Variants in CSF1 observed in about 807,000 individuals in gnomAD.
CSF1 encodes the protein colony stimulating factor 1, also known as macrophage colony-stimulating factor 1.
A neutral mutation model predicts 48.9 loss-of-function variants in CSF1; 9 were observed. The ratio of observed to expected loss-of-function variants is 0.18; its 90% CI spans 0.11 to 0.32. The LOEUF is 0.32. Among genes scored for constraint, CSF1 ranks in the 10% least tolerant of loss-of-function variants. CSF1 has a pLI of 1.00. For missense variants in CSF1, 672 were observed against 697.9 expected (o/e 0.96, Z 0.42); for synonymous variants, 305 against 284.1 (o/e 1.07, Z -0.74).
intron 8 of CSF1, among the ~76,000 whole-genome samples, chr1:109,928,589 G>A (rs1338118987): frequency 5.9e-5 from 9 of 152,074 alleles, no homozygotes; most frequent in African/African-American, 9.6e-5. Flanking sequence ...GACCTCTCCC[G>A]GGCCCCGTTA....
At chr1:109,914,501 C>A in intron 2 of CSF1, 120 bp downstream of exon 2, 1 of 1,208,138 alleles carries the variant, frequency 8.3e-7, no homozygotes, top group Non-Finnish European at 1.1e-6. Context: ...CGGGACATTG[C>A]TTGTGGTTCC....
chr1:109,911,685 C>T (rs1654694655), intron 1 of CSF1, among the ~76,000 whole-genome samples: 1 of 152,206 alleles, frequency 6.6e-6, no homozygotes. Flanking sequence ...AGCCCCCCAC[C>T]CCCGGGGCTG....
At chr1:109,927,008 A>T (rs1353732517) in intron 8 of CSF1, among the ~76,000 whole-genome samples, 2 of 152,242 alleles carry the variant, frequency 1.3e-5, no homozygotes, top group Admixed American at 1.3e-4. Context: ...TGACCAGTTA[A>T]CCAGCTAACT....
At position 109,915,180 on chromosome 1, in the gene CSF1, G is replaced by A. The variant is rs1166586961; in HGVS notation, c.163-454G>A. 2.0e-5 allele frequency among the ~76,000 whole-genome samples: 3 copies of A among 152,204 alleles called. 1 individual carries two copies. The highest frequency in any genetic ancestry group is 4.1e-4 in the South Asian group (2 of 4,838). On this transcript the variant is annotated intron_variant, in intron 2 of 8. Transcript: ENST00000329608. ...AATCCAAGGTAGACCAAGAGCCCCA[G>A]CATTCTCTGAGGCTTAAAATCCAGA...
chr1:109,925,457 G>A (rs952826930), intron 8 of CSF1, among the ~76,000 whole-genome samples: 25 of 151,864 alleles, frequency 1.6e-4, no homozygotes, highest in Admixed American at 1.0e-3. Context: ...GGCTTCTAGT[G>A]TTGCTGCCAC....
chr1:109,925,269 G>A (rs1647791751), intron 8 of CSF1, 67 bp downstream of exon 8: 2 of 1,358,612 alleles, frequency 1.5e-6, no homozygotes, highest in East Asian at 4.6e-5. Flanking sequence ...ACGTTCACCT[G>A]TTGGTGACAC....
Position 109,923,577 on chromosome 1 carries a change from A to G in CSF1, c.956A>G (p.Gln319Arg). 3 of 1,614,096 alleles carry G rather than the reference A, an allele frequency of 1.9e-6. No individual in the cohort carries two copies. Among genetic ancestry groups the G allele is most frequent in the Non-Finnish European group, 2.5e-6 (3 of 1,179,992 alleles). The change falls in exon 6 of 9, where the codon CAA becomes CGA. Residue 319 changes from glutamine to arginine, a missense_variant. By Grantham distance (43) the Gln-to-Arg change is conservative. Around this residue, in one of 3 missense-constraint regions of CSF1, gnomAD observed 591 missense variants for 593.6 expected, o/e 1.00. Coordinates refer to ENST00000329608, the MANE Select transcript of CSF1 (RefSeq NM_000757.6). ...SGEASEIPVPQGTELSPSRPG... is the reference protein window; with the variant it reads ...SGEASEIPVPRGTELSPSRPG... ...GAGGCCAGTGAGATTCCCGTACCCC[A>G]AGGGACAGAGCTTTCCCCCTCCAGG... is the stretch of plus-strand genomic sequence containing the variant.
Position 109,921,853 on chromosome 1 carries a change from G to T in CSF1, c.403G>T (p.Val135Phe). The change falls in exon 5 of 9, where the codon GTC becomes TTC. Residue 135 changes from valine to phenylalanine, a missense_variant. Val to Phe is a conservative substitution (Grantham distance 50). Coordinates refer to ENST00000329608, the MANE Select transcript of CSF1 (RefSeq NM_000757.6). ...GGCCCTGATCTCCTTCCAGGCCTGC[G>T]TCCGAACTTTCTATGAGACACCTCT... ...KDYEEHDKAC[V>F]RTFYETPLQL... is the part of the protein sequence containing the mutation. 6.3e-7 allele frequency: 1 copy of T among 1,587,336 alleles called. No individual in the cohort carries two copies. The highest frequency in any genetic ancestry group is 8.6e-7 in the Non-Finnish European group (1 of 1,162,494).
chr1:109,921,757 T>A (rs1466222108), intron 4 of CSF1, 90 bp from the exon 5 acceptor site: 3 of 1,417,010 alleles, frequency 2.1e-6, no homozygotes, highest in Non-Finnish European at 2.8e-6. Context: ...AGAAGACAGA[T>A]GTGAGAAAGG....
intron 7 of CSF1, 87 bp downstream of exon 7, chr1:109,924,915 C>T: frequency 7.3e-7 from 1 of 1,362,906 alleles, no homozygotes; most frequent in South Asian, 1.2e-5. Flanking sequence ...GGCTCTCCTG[C>T]TTGCTCTGAG....
chr1:109,911,566 G>C (rs753763910), intron 1 of CSF1, among the ~76,000 whole-genome samples: 140 of 152,274 alleles, frequency 9.2e-4, no homozygotes, highest in Non-Finnish European at 1.6e-3. Flanking sequence ...TGCTGGCAGA[G>C]GGACGGAGAG....
At chr1:109,914,578 C>G (rs575764320) in intron 2 of CSF1, among the ~76,000 whole-genome samples, 197 bp downstream of exon 2, 1 of 152,250 alleles carries the variant, frequency 6.6e-6, no homozygotes, top group Non-Finnish European at 1.5e-5. Flanking sequence ...CTCCCCAGCT[C>G]GAAGCCCTCT....
At chr1:109,914,181 T>C in intron 1 of CSF1, 78 bp from the exon 2 acceptor site, 1 of 1,457,000 alleles carries the variant, frequency 6.9e-7, no homozygotes, top group Non-Finnish European at 9.1e-7. Context: ...GAGGCCTTTG[T>C]TTTTCTGCGT....
chr1:109,924,920 T>C, intron 7 of CSF1, 92 bp downstream of exon 7: 1 of 1,311,696 alleles, frequency 7.6e-7, no homozygotes, highest in Admixed American at 1.9e-5. Context: ...TCCTGCTTGC[T>C]CTGAGGAAAT....
At chr1:109,920,972 G>A (rs188394167) in intron 4 of CSF1, among the ~76,000 whole-genome samples, 34 of 152,194 alleles carry the variant, frequency 2.2e-4, no homozygotes, top group Admixed American at 2.0e-4. Context: ...GTGGGAAGCC[G>A]GGGCCCCTTG....
At chr1:109,914,155 G>A (rs1654797978) in intron 1 of CSF1, 104 bp from the exon 2 acceptor site, 5 of 1,276,354 alleles carry the variant, frequency 3.9e-6, no homozygotes, top group South Asian at 1.9e-5. Flanking sequence ...GGCAGAGCCT[G>A]TAGCATTGTA....
At chr1:109,919,454 C>G (rs902937856) in intron 4 of CSF1, among the ~76,000 whole-genome samples, 1 of 152,142 alleles carries the variant, frequency 6.6e-6, no homozygotes, top group Non-Finnish European at 1.5e-5. Context: ...GTCTCAAACT[C>G]CCAGGCTCAA....
intron 4 of CSF1, among the ~76,000 whole-genome samples, chr1:109,920,271 G>C (rs1275801518): frequency 6.6e-6 from 1 of 151,916 alleles, no homozygotes; most frequent in Non-Finnish European, 1.5e-5. Context: ...CCAGCTAGGT[G>C]GCAGTGACCA....
Position 109,911,148 on chromosome 1 carries a change from G to C in CSF1, c.39+86G>C, listed in dbSNP as rs898867971. The stretch of plus-strand genomic sequence containing the variant: ...CGGCCGGGAGCGGCCCCTCGGAGCC[G>C]ACAGCCTGGGCGCGCCGGCTGCACT... On this transcript the variant is annotated intron_variant, in intron 1 of 8. Coordinates refer to ENST00000329608, the MANE Select transcript of CSF1 (RefSeq NM_000757.6). 8 of 856,430 alleles carry C rather than the reference G, an allele frequency of 9.3e-6. No homozygotes were observed. The African/African-American group carries it at 1.3e-4, about 14-fold the overall frequency. The allele number at this position is 856,430 out of a possible 1,614,324, so 53.1% of individuals were successfully genotyped here.
Sources: allele counts gnomAD v4.1 joint callset (sites outside exome capture counted in the v4.1 genomes callset), GRCh38; gene constraint gnomAD v4.1.1; regional missense constraint gnomAD v4.1.1; transcripts MANE v1.5; gene names NCBI Gene and HGNC (gene_info 2026-07-23, HGNC 2026-07-21).